PCCA: variants seen among roughly 807,000 people sequenced by gnomAD.
The protein encoded by PCCA is propionyl-CoA carboxylase subunit alpha.
In PCCA, 74 loss-of-function variants were observed where a neutral mutation model predicts 101.3. The ratio of observed to expected loss-of-function variants is 0.73; its 90% CI spans 0.61 to 0.89. The LOEUF (loss-of-function observed/expected upper bound fraction) is 0.89, where lower values mean the gene tolerates loss of function less well. PCCA is among the 40% of genes least tolerant of loss of function. The pLI, the probability that PCCA is intolerant of heterozygous loss-of-function variation, is 0.00. For synonymous variants in PCCA, 294 were observed against 313.6 expected, an observed-to-expected ratio of 0.94 and a Z score of 0.66; for missense variants, 891 against 907.0, an observed-to-expected ratio of 0.98 and a Z score of 0.23.
chr13:100,183,657 G>T (rs772883191), intron 6 of PCCA, among the ~76,000 whole-genome samples: 23 of 152,164 alleles, frequency 1.5e-4, no homozygotes, highest in Non-Finnish European at 2.5e-4. Context: ...ACACACAGGT[G>T]GAGGGGACAT....
At chr13:100,432,562 G>A (rs370676045) in intron 20 of PCCA, among the ~76,000 whole-genome samples, 1 of 152,216 alleles carries the variant, frequency 6.6e-6, no homozygotes, top group Non-Finnish European at 1.5e-5. Context: ...GTGAATGAGA[G>A]CCTGAAGAAT....
chr13:100,433,648 TC>T (rs990230891), intron 20 of PCCA, among the ~76,000 whole-genome samples: 1 of 152,166 alleles, frequency 6.6e-6, no homozygotes, highest in African/African-American at 2.4e-5. Flanking sequence ...AAAGTCTAGT[TC>T]ATTGTAATAT....
At chr13:100,196,861 T>C (rs568273841) in intron 6 of PCCA, among the ~76,000 whole-genome samples, 1 of 152,302 alleles carries the variant, frequency 6.6e-6, no homozygotes, top group South Asian at 2.1e-4. Context: ...TCCTAATGAA[T>C]CAGCTAAATT....
rs147558616 is a variant in PCCA at position 100,303,049 on chromosome 13, G to T, written c.1284+51G>T. On this transcript the variant is annotated intron_variant, in intron 14 of 23. Transcript: ENST00000376285. ...CTGAAGGGTTAAAATCGTGATTTAT[G>T]TCATACTTTTATGTTAAAGCATGTC... is the stretch of plus-strand genomic sequence containing the variant. 8.4e-5 allele frequency: 85 copies of T among 1,006,158 alleles called. No homozygotes were observed. The East Asian group carries it at 1.9e-3, about 23-fold the overall frequency. The allele number at this position is 1,006,158 out of a possible 1,614,324, so 62.3% of individuals were successfully genotyped here.
chr13:100,502,721 T>C (rs2085770647), intron 21 of PCCA, among the ~76,000 whole-genome samples: 1 of 152,180 alleles, frequency 6.6e-6, no homozygotes, highest in Admixed American at 6.5e-5. Flanking sequence ...TTGGTGTGAA[T>C]GGTAGGATAT....
At chr13:100,147,217 A>AATTT (rs140722212) in intron 4 of PCCA, among the ~76,000 whole-genome samples, 2,360 of 152,336 alleles carry the variant, frequency 0.015, 118 homozygotes, top group East Asian at 0.12. Context: ...GAGCCTTTAA[A>AATTT]ACGGGGCAGG....
chr13:100,105,682 C>T (rs1010462941), intron 2 of PCCA, among the ~76,000 whole-genome samples: 2 of 137,576 alleles, frequency 1.5e-5, no homozygotes, highest in Non-Finnish European at 3.2e-5. Flanking sequence ...AAAAAAAACA[C>T]CCCACAAAAA....
intron 23 of PCCA, among the ~76,000 whole-genome samples, chr13:100,528,194 CA>C (rs1181699953): frequency 6.6e-6 from 1 of 152,136 alleles, no homozygotes; most frequent in African/African-American, 2.4e-5. Context: ...GCCAAAACCC[CA>C]TGTACATGTG....
intron 4 of PCCA, chr13:100,150,718 T>G (rs2053207711): frequency 6.3e-7 from 1 of 1,581,042 alleles, no homozygotes; most frequent in Non-Finnish European, 8.6e-7. Flanking sequence ...AAAATTTGTA[T>G]GTGGAATCTT....
intron 4 of PCCA, among the ~76,000 whole-genome samples, chr13:100,147,164 C>T (rs567238995): frequency 1.3e-5 from 2 of 152,296 alleles, no homozygotes; most frequent in South Asian, 4.1e-4. Context: ...TGGAAGGACA[C>T]ATGCAAAACT....
At chr13:100,089,623 C>T (rs529460068) in intron 1 of PCCA, among the ~76,000 whole-genome samples, 2 of 152,340 alleles carry the variant, frequency 1.3e-5, no homozygotes, top group East Asian at 3.9e-4. Flanking sequence ...TCTGTTGCCT[C>T]TTTCCAGCAT....
At chr13:100,113,462 G>A (rs971459010) in intron 4 of PCCA, among the ~76,000 whole-genome samples, 2 of 151,788 alleles carry the variant, frequency 1.3e-5, no homozygotes, top group African/African-American at 2.4e-5. Context: ...TGTATACTTA[G>A]GCTACACGAC....
At chr13:100,478,079 C>T (rs966479468) in intron 21 of PCCA, among the ~76,000 whole-genome samples, 1 of 152,224 alleles carries the variant, frequency 6.6e-6, no homozygotes, top group African/African-American at 2.4e-5. Flanking sequence ...CTTGGCCTAA[C>T]TTGGCCTTGT....
chr13:100,247,767 C>T (rs756510997), intron 8 of PCCA, among the ~76,000 whole-genome samples: 3 of 151,960 alleles, frequency 2.0e-5, no homozygotes, highest in Admixed American at 6.5e-5. Flanking sequence ...CCGCCCACCT[C>T]GGCCTCCCAA....
chr13:100,101,596 TTAAA>T (rs1159736741), intron 1 of PCCA, among the ~76,000 whole-genome samples: 5 of 152,128 alleles, frequency 3.3e-5, no homozygotes, highest in African/African-American at 9.7e-5. Flanking sequence ...TTTAAATTAA[TTAAA>T]TAATTAATTA....
At chr13:100,089,675 G>T (rs977640992) in intron 1 of PCCA, among the ~76,000 whole-genome samples, 1 of 152,206 alleles carries the variant, frequency 6.6e-6, no homozygotes, top group African/African-American at 2.4e-5. Flanking sequence ...GTAGTGTTAG[G>T]GTTGTGAGTT....
At chr13:100,209,534 A>C (rs1407878335) in intron 7 of PCCA, 71 bp downstream of exon 7, 2 of 1,336,390 alleles carry the variant, frequency 1.5e-6, no homozygotes, top group Admixed American at 3.4e-5. Flanking sequence ...ATAAGATAAA[A>C]TGTAACTATT....
At chr13:100,133,423 T>A (rs2050759862) in intron 4 of PCCA, among the ~76,000 whole-genome samples, 1 of 152,208 alleles carries the variant, frequency 6.6e-6, no homozygotes, top group Admixed American at 6.5e-5. Flanking sequence ...GATCACTTTT[T>A]TCATCTATAG....
At chr13:100,412,625 A>G (rs34853750) in intron 19 of PCCA, among the ~76,000 whole-genome samples, 12 of 152,184 alleles carry the variant, frequency 7.9e-5, no homozygotes, top group Non-Finnish European at 1.3e-4. Flanking sequence ...TATACTCTGT[A>G]CAAGTGCATG....
Sources: gnomAD v4.1 joint callset for allele counts (sites outside exome capture counted in the v4.1 genomes callset) on GRCh38, gnomAD v4.1.1 for gene constraint, MANE v1.5 for transcripts, NCBI Gene and HGNC (gene_info 2026-07-23, HGNC 2026-07-21) for gene names.